ALLC: variants seen among roughly 807,000 people sequenced by gnomAD.
The protein encoded by ALLC is allantoicase, also known as probable inactive allantoicase.
A neutral mutation model predicts 45.0 loss-of-function variants in ALLC; 40 were observed. That is an observed-to-expected ratio of 0.89 (90% CI 0.69 to 1.16). The LOEUF (loss-of-function observed/expected upper bound fraction) is 1.16. ALLC is among the 50% of genes most tolerant of loss of function. ALLC has a pLI of 0.00. For synonymous variants in ALLC, 176 were observed against 178.1 expected (o/e 0.99, Z 0.09); for missense variants, 488 against 493.1 (o/e 0.99, Z 0.10).
chr2:3,649,797 G>A, the ALLC span, among the ~76,000 whole-genome samples: 8 of 152,252 alleles, frequency 5.3e-5, no homozygotes, highest in East Asian at 1.9e-4. Flanking sequence ...ACGTGTGGAC[G>A]CGGGAGGAAA....
chr2:3,665,202 A>G (rs1322544661), intron 1 of ALLC, among the ~76,000 whole-genome samples: 1 of 152,082 alleles, frequency 6.6e-6, no homozygotes, highest in Non-Finnish European at 1.5e-5. Context: ...TACACTGACT[A>G]ATGTTTTCTG....
chr2:3,679,678 G>C (rs116071516), intron 4 of ALLC, among the ~76,000 whole-genome samples, 191 bp from the exon 5 acceptor site: 2,274 of 152,308 alleles, frequency 0.015, 67 homozygotes, highest in African/African-American at 0.053. Context: ...GTTGGGGAAT[G>C]GTGGTCACAT....
intron 7 of ALLC, chr2:3,694,523 T>C (rs1667606300): frequency 6.6e-6 from 1 of 152,194 alleles, no homozygotes; most frequent in Non-Finnish European, 1.5e-5. Flanking sequence ...TAAAGAAGAA[T>C]CTTATTTTTT....
rs933703183 is a variant in ALLC, at chr2:3,696,330, C to T, written c.723C>T (p.Asp241=). The change falls in exon 9 of 12, where the codon GAC becomes GAT. Residue 241 remains aspartate (D), a synonymous_variant. Coordinates refer to ENST00000252505, the MANE Select transcript of ALLC (RefSeq NM_018436.4). ...ADGWETARRL[D]RPPILENDEN... is the part of the protein sequence containing the mutation. Reference sequence around the variant, plus strand: ...GTTGGGAAACTGCAAGAAGGCTGGACCGGCCACCAATATTAGAAGTAAGAA... The same window carrying T: ...GTTGGGAAACTGCAAGAAGGCTGGATCGGCCACCAATATTAGAAGTAAGAA... 2 of 1,612,872 alleles carry T rather than the reference C, an allele frequency of 1.2e-6. No individual in the cohort carries two copies. Among genetic ancestry groups the T allele is most frequent in the Middle Eastern group, 1.6e-4 (1 of 6,084 alleles).
chr2:3,659,699 A>G (rs1666522253), intron 1 of ALLC, among the ~76,000 whole-genome samples: 1 of 152,216 alleles, frequency 6.6e-6, no homozygotes, highest in Non-Finnish European at 1.5e-5. Context: ...CAGCAAGCTC[A>G]TGGCGCAAGA....
chr2:3,678,554 A>G lies in ALLC; in HGVS notation c.171A>G (p.Pro57=), dbSNP rs746201781. ...DGWETRRKRI[P]GHDWCVLRLG... Reference sequence around the variant, plus strand: ...GGGAGACCAGGAGGAAAAGGATTCCAGGTAATAACAACGGTTCGTTCATCG... The same window carrying G: ...GGGAGACCAGGAGGAAAAGGATTCCGGGTAATAACAACGGTTCGTTCATCG... The change falls in exon 4 of 12, where the codon CCA becomes CCG. Residue 57 remains proline, a splice_region_variant and synonymous_variant. Coordinates refer to ENST00000252505, the MANE Select transcript of ALLC (RefSeq NM_018436.4). 1 of 1,613,428 alleles carries G rather than the reference A, an allele frequency of 6.2e-7. No individual in the cohort carries two copies. The highest frequency in any genetic ancestry group is 8.5e-7 in the Non-Finnish European group (1 of 1,179,356).
intron 9 of ALLC, among the ~76,000 whole-genome samples, chr2:3,697,045 A>G (rs943223596): frequency 6.6e-6 from 1 of 152,248 alleles, no homozygotes; most frequent in African/African-American, 2.4e-5. Flanking sequence ...TAGAGGAACT[A>G]TGGACTGGAA....
chr2:3,647,251 A>G, the ALLC span, among the ~76,000 whole-genome samples: 1 of 152,146 alleles, frequency 6.6e-6, no homozygotes, highest in African/African-American at 2.4e-5. Context: ...TACTTCAGTC[A>G]ACTTTGCTCT....
the ALLC span, among the ~76,000 whole-genome samples, chr2:3,646,036 G>C: frequency 6.6e-6 from 1 of 152,288 alleles, no homozygotes; most frequent in Admixed American, 6.5e-5. Flanking sequence ...CTCCCCACCG[G>C]AGAAAAGGGC....
chr2:3,680,322 A>T lies in ALLC; in HGVS notation c.298+328A>T, dbSNP rs1667145401. Among the ~76,000 whole-genome samples, 1 of 152,046 alleles carries T rather than the reference A, an allele frequency of 6.6e-6. No homozygotes were observed. Among genetic ancestry groups the T allele is most frequent in the African/African-American group, 2.4e-5 (1 of 41,330 alleles). ...CGGGAGGGAGTGGTTTGTGCCTCAGATGACCCGGGTGATGTGGACCCAGGT... is the reference window on the plus strand; with the variant it reads ...CGGGAGGGAGTGGTTTGTGCCTCAGTTGACCCGGGTGATGTGGACCCAGGT... On this transcript the variant is annotated intron_variant, in intron 5 of 11. Transcript: ENST00000252505. This position sits in a 1 kb window ranked among gnomAD's most constrained non-coding sequence, Gnocchi z 4.0.
intron 2 of ALLC, among the ~76,000 whole-genome samples, chr2:3,671,942 C>T (rs1226226252): frequency 1.0e-4 from 9 of 86,184 alleles, no homozygotes; most frequent in Non-Finnish European, 1.6e-4. Context: ...TATTTAGATC[C>T]GAGGTCCTCT....
rs1316560224 is a variant in ALLC, at chr2:3,701,585, A to G, written c.924A>G (p.Gln308=). The G allele has an allele frequency of 6.2e-7, 1 of 1,609,974 alleles. No individual in the cohort carries two copies. Among genetic ancestry groups the G allele is most frequent in the Non-Finnish European group, 8.5e-7 (1 of 1,178,252 alleles). ...AGGAAGAAGAAGCCGTGATCAGGCAAAAGTGGATTCTCCCGGCCCACAAGT... is the reference window on the plus strand; with the variant it reads ...AGGAAGAAGAAGCCGTGATCAGGCAGAAGTGGATTCTCCCGGCCCACAAGT... The part of the protein sequence containing the change: ...TTQEEEAVIR[Q]KWILPAHKWK... The change falls in exon 11 of 12, where the codon CAA becomes CAG. Residue 308 remains glutamine (Q), a synonymous_variant. Coordinates refer to ENST00000252505, the MANE Select transcript of ALLC (RefSeq NM_018436.4).
In ALLC at chr2:3,664,342, TAACACATTTTA is replaced by T. The variant is rs1666643089; in HGVS notation, c.-63+6058_-63+6068del. ...TGTTTGTTTTGCGTTTATCTCAAGG[TAACACATTTTA>T]AACACATTTGAGTAGCAGGGTCTTA... On this transcript the variant is annotated intron_variant, in intron 1 of 11. Coordinates refer to ENST00000252505, the MANE Select transcript of ALLC (RefSeq NM_018436.4). Among the ~76,000 whole-genome samples, 5 of 152,344 alleles carry T rather than the reference TAACACATTTTA, an allele frequency of 3.3e-5. No homozygotes were observed. The South Asian group carries it at 1.0e-3, about 32-fold the overall frequency.
Position 3,695,810 on chromosome 2 carries a change from C to T in ALLC, c.605C>T (p.Ala202Val), listed in dbSNP as rs923259403. ...GAACCTGCAGACCTAGTGGCCATCGCTTTTGGGGGTGTCTGTGTAGGATTT... is the reference window on the plus strand; with the variant it reads ...GAACCTGCAGACCTAGTGGCCATCGTTTTTGGGGGTGTCTGTGTAGGATTT... ...PKEPADLVAI[A>V]FGGVCVGFSN... The change falls in exon 8 of 12, where the codon GCT becomes GTT. Residue 202 changes from alanine to valine, a missense_variant. Ala to Val is a moderately conservative substitution (Grantham distance 64). Transcript: ENST00000252505. 1 of 1,613,848 alleles carries T rather than the reference C, an allele frequency of 6.2e-7. No homozygotes were observed. The highest frequency in any genetic ancestry group is 8.5e-7 in the Non-Finnish European group (1 of 1,179,896).
chr2:3,689,294 T>A (rs1422341096), intron 7 of ALLC, among the ~76,000 whole-genome samples: 1 of 151,070 alleles, frequency 6.6e-6, no homozygotes, highest in African/African-American at 2.4e-5. Flanking sequence ...TTTATTGAGA[T>A]GCATTGTTAT....
chr2:3,671,235 G>A (rs1666860242), intron 2 of ALLC, 45 bp downstream of exon 2: 1 of 1,591,394 alleles, frequency 6.3e-7, no homozygotes, highest in Non-Finnish European at 8.6e-7. Flanking sequence ...AGGCATCCGT[G>A]CTAAGGGCAC....
chr2:3,694,713 G>A (rs988746327), intron 7 of ALLC: 13 of 151,978 alleles, frequency 8.6e-5, no homozygotes, highest in African/African-American at 1.2e-4. Context: ...GGTTTTATTT[G>A]TTGTAAATAG....
At chr2:3,650,348 CT>C in the ALLC span, among the ~76,000 whole-genome samples, 235 of 152,352 alleles carry the variant, frequency 1.5e-3, 2 homozygotes, top group African/African-American at 5.4e-3. Context: ...CCAGGATTCC[CT>C]GTCTGTGGCC....
chr2:3,661,740 A>G (rs1208590734), intron 1 of ALLC, among the ~76,000 whole-genome samples: 4 of 152,118 alleles, frequency 2.6e-5, no homozygotes, highest in African/African-American at 9.7e-5. Flanking sequence ...TTTGGATGAA[A>G]AGCTCTAGGT....
Sources: allele counts gnomAD v4.1 joint callset (sites outside exome capture counted in the v4.1 genomes callset), GRCh38; gene constraint gnomAD v4.1.1; non-coding constraint Gnocchi (gnomAD v3.1); transcripts MANE v1.5; gene names NCBI Gene and HGNC (gene_info 2026-07-23, HGNC 2026-07-21).